VMA22: variants seen among roughly 807,000 people sequenced by gnomAD.
VMA22 encodes vacuolar ATPase assembly protein VMA22.
chr2:130,341,030 C>T, the VMA22 span: 1 of 1,605,596 alleles, frequency 6.2e-7, no homozygotes, highest in Non-Finnish European at 8.5e-7. Flanking sequence ...GCCCTTGCGC[C>T]TCCGCAGACC....
chr2:130,341,999 C>T, the VMA22 span: 1 of 1,613,368 alleles, frequency 6.2e-7, no homozygotes, highest in Non-Finnish European at 8.5e-7. Context: ...CCCTCCTGCC[C>T]GCCCCAGGCG....
the VMA22 span, chr2:130,341,805 G>GCCCCC: frequency 3.7e-6 from 1 of 272,770 alleles, no homozygotes; most frequent in Non-Finnish European, 6.8e-6. Context: ...GAACGCGCCC[G>GCCCCC]CCCGCCCACC....
chr2:130,338,890 A>G, the VMA22 span: 3 of 532,126 alleles, frequency 5.6e-6, no homozygotes, highest in Non-Finnish European at 6.8e-6. Context: ...AGTGTGTCCT[A>G]TGGGAACTCA....
chr2:130,341,099 T>C, the VMA22 span: 1 of 1,491,400 alleles, frequency 6.7e-7, no homozygotes, highest in South Asian at 1.4e-5. Flanking sequence ...ATCATCTTGG[T>C]GACAATGTTG....
chr2:130,340,770 G>A, the VMA22 span: 2 of 997,790 alleles, frequency 2.0e-6, no homozygotes. Context: ...AAAATAATGG[G>A]TGTACAACGG....
chr2:130,338,830 T>C, the VMA22 span: 1 of 364,012 alleles, frequency 2.7e-6, no homozygotes, highest in Non-Finnish European at 5.1e-6. Flanking sequence ...CACAGCTGAG[T>C]GATCCAAGAG....
At chr2:130,342,005 A>G in the VMA22 span, 6 of 1,613,498 alleles carry the variant, frequency 3.7e-6, no homozygotes, top group Non-Finnish European at 4.2e-6. Context: ...TGCCCGCCCC[A>G]GGCGCCTACC....
At chr2:130,338,443 A>G in the VMA22 span, 3 of 152,380 alleles carry the variant, frequency 2.0e-5, no homozygotes, top group African/African-American at 7.2e-5. Context: ...ATTACTGCAA[A>G]GATCAACAAC....
chr2:130,340,072 C>T, the VMA22 span: 1 of 208,560 alleles, frequency 4.8e-6, no homozygotes, highest in Admixed American at 5.2e-5. Context: ...CTCAGCTGCC[C>T]ACAGCAGGTG....
At chr2:130,340,390 C>T in the VMA22 span, 5 of 193,600 alleles carry the variant, frequency 2.6e-5, no homozygotes, top group Non-Finnish European at 5.4e-5. Flanking sequence ...CCACAGTCTT[C>T]ATCAGGGCTT....
At chr2:130,339,400 G>A in the VMA22 span, among the ~76,000 whole-genome samples, 1 of 152,116 alleles carries the variant, frequency 6.6e-6, no homozygotes, top group Non-Finnish European at 1.5e-5. Context: ...AACCTCTGAG[G>A]CCTTACACCT....
chr2:130,341,872 G>A, the VMA22 span: 9 of 1,606,836 alleles, frequency 5.6e-6, no homozygotes, highest in Non-Finnish European at 7.6e-6. Context: ...GGCTCCATGT[G>A]GGAAGCATAC....
At chr2:130,342,661 G>A in the VMA22 span, 1 of 511,026 alleles carries the variant, frequency 2.0e-6, no homozygotes, top group South Asian at 2.8e-5. Flanking sequence ...GGAGAAGCCT[G>A]GGCGGACATA....
At chr2:130,339,955 C>G in the VMA22 span, 5 of 692,124 alleles carry the variant, frequency 7.2e-6, no homozygotes, top group East Asian at 1.3e-4. Context: ...CCAGCCCAGG[C>G]CTCTCCCAAA....
chr2:130,341,910 A>T, the VMA22 span: 50 of 1,607,876 alleles, frequency 3.1e-5, no homozygotes, highest in Admixed American at 8.5e-4. Context: ...CTTGGCGCCC[A>T]TCGCGTAGCG....
At chr2:130,341,984 G>A in the VMA22 span, 2 of 1,612,970 alleles carry the variant, frequency 1.2e-6, no homozygotes, top group Non-Finnish European at 1.7e-6. Flanking sequence ...GTTTACGCCC[G>A]TGTACCCTCC....
the VMA22 span, chr2:130,340,726 G>T: frequency 1.5e-6 from 1 of 666,230 alleles, no homozygotes; most frequent in Non-Finnish European, 2.6e-6. Flanking sequence ...GCATGAACCC[G>T]AATGCTGCCA....
the VMA22 span, chr2:130,342,644 C>G: frequency 2.1e-6 from 1 of 483,600 alleles, no homozygotes; most frequent in Non-Finnish European, 3.7e-6. Flanking sequence ...GGGGGGAGGA[C>G]GAGGATGGAG....
the VMA22 span, chr2:130,341,832 C>T: frequency 7.9e-7 from 1 of 1,267,882 alleles, no homozygotes; most frequent in Non-Finnish European, 1.1e-6. Flanking sequence ...AGCATGGAAG[C>T]TTCCTCACCT....
Sources: allele counts gnomAD v4.1 joint callset (sites outside exome capture counted in the v4.1 genomes callset), GRCh38; gene constraint gnomAD v4.1.1; transcripts MANE v1.5; gene names NCBI Gene and HGNC (gene_info 2026-07-23, HGNC 2026-07-21).